Variants in ADA2 observed in about 807,000 individuals in gnomAD.
ADA2 encodes adenosine deaminase CECR1.
In ADA2, 29 loss-of-function variants were observed where a neutral mutation model predicts 44.2. The observed-to-expected ratio is 0.66, with a 90% CI of 0.49 to 0.89. The LOEUF (loss-of-function observed/expected upper bound fraction) is 0.89. ADA2 is among the 40% of genes least tolerant of loss of function. ADA2 has a pLI of 0.00. For missense variants in ADA2, 637 were observed against 644.8 expected, an observed-to-expected ratio of 0.99 and a Z score of 0.13; for synonymous variants, 215 against 234.9, an observed-to-expected ratio of 0.92 and a Z score of 0.77.
At chr22:17,199,489 C>G in intron 4 of ADA2, 1 of 1,506,066 alleles carries the variant, frequency 6.6e-7, no homozygotes. Context: ...TCGGAGTTCC[C>G]TATGCACTCC....
chr22:17,193,087 G>A, intron 4 of ADA2: 1 of 1,040,102 alleles, frequency 9.6e-7, no homozygotes, highest in Admixed American at 2.0e-5. Context: ...GGTTATGGGA[G>A]CAACAAAAAA....
chr22:17,214,722 T>G (rs1482077959), intron 1 of ADA2, among the ~76,000 whole-genome samples: 1 of 152,188 alleles, frequency 6.6e-6, no homozygotes, highest in African/African-American at 2.4e-5. Flanking sequence ...ACAGCCTGGG[T>G]GGCAGAACAG....
chr22:17,191,919 CCCCCTTCCCAGCCA>C lies in ADA2; in HGVS notation c.754-123_754-110del, dbSNP rs1417761102. The C allele has an allele frequency of 8.3e-5, 93 of 1,124,876 alleles. No homozygotes were observed. In the African/African-American group the frequency reaches 9.1e-4, roughly 11 times the overall value. 69.7% of individuals were successfully genotyped at this position (1,124,876 alleles called of 1,614,324 possible). A position where few individuals can be genotyped will look rare whatever the true frequency, so the allele number is the denominator to read the frequency against. On this transcript the variant is annotated intron_variant, in intron 4 of 9. Transcript: ENST00000399837. ...CTGGCCAGCCACCCCTGCCCAACCA[CCCCCTTCCCAGCCA>C]CCCCTTCCCAGCCACCCTTGCCCAG... is the stretch of plus-strand genomic sequence containing the variant.
Position 17,210,992 on chromosome 22 carries a change from T to A in ADA2, c.-46-1269A>T, listed in dbSNP as rs182396136. On this transcript the variant is annotated intron_variant, in intron 1 of 9. Transcript: ENST00000399837. ...CCAGTACTTTGAGGCTGCAATGAGC[T>A]TTGACCTCACCACTGCACTCCAGCC... 5.0e-3 allele frequency among the ~76,000 whole-genome samples: 758 copies of A among 152,272 alleles called. 3 individuals are homozygous for A. The highest frequency in any genetic ancestry group is 0.017 in the African/African-American group (722 of 41,560).
At position 17,188,410 on chromosome 22, in the gene ADA2, T is replaced by C; in HGVS notation, c.1010A>G (p.Tyr337Cys). Residue 337 changes from tyrosine to cysteine, a missense_variant, in exon 7 of 10, where the codon TAC becomes TGC. Tyr to Cys is a radical substitution (Grantham distance 194). Transcript: ENST00000399837. The part of the protein sequence containing the change: ...HEDTGHSLHD[Y>C]KEALMIPAKD... ...GGCGGGGATCATCAGAGCTTCCTTG[T>C]AGTCATGCAAGGAGTGGCCAGTGTC... 6.2e-7 allele frequency: 1 copy of C among 1,613,838 alleles called. No homozygotes were observed. Among genetic ancestry groups the C allele is most frequent in the Non-Finnish European group, 8.5e-7 (1 of 1,179,754 alleles).
At position 17,216,119 on chromosome 22, in the gene ADA2, G is replaced by A. The variant is rs150506479; in HGVS notation, c.-47+3237C>T. Among the ~76,000 whole-genome samples, 86 of 152,066 alleles carry A rather than the reference G, an allele frequency of 5.7e-4. No individual in the cohort carries two copies. The East Asian group carries it at 0.014, about 25-fold the overall frequency. On this transcript the variant is annotated intron_variant, in intron 1 of 9. Transcript: ENST00000399837. ...GGAGAATCGCTTGAACCTGAGAGGC[G>A]GAGGTTGCAGTGAGCCGATATCGCA... is the stretch of plus-strand genomic sequence containing the variant.
chr22:17,216,714 C>T (rs1206611126), intron 1 of ADA2, among the ~76,000 whole-genome samples: 1 of 150,132 alleles, frequency 6.7e-6, no homozygotes, highest in South Asian at 2.1e-4. Flanking sequence ...GAGCCGAGTT[C>T]GTGCCACTGC....
rs1418617941 is a variant in ADA2 at position 17,207,163 on chromosome 22, G to C, written c.450C>G (p.His150Gln). 6.2e-7 allele frequency: 1 copy of C among 1,614,240 alleles called. No homozygotes were observed. The highest frequency in any genetic ancestry group is 8.5e-7 in the Non-Finnish European group (1 of 1,180,038). ...PRGIMQFRFA[H>Q]PTPRPSEKCS... ...ATTTTTCTGATGGACGGGGAGTTGG[G>C]TGAGCAAATCTGAACTGCATGATCC... is the stretch of plus-strand genomic sequence containing the variant. Residue 150 changes from histidine (H) to glutamine (Q), a missense_variant, in exon 3 of 10, where the codon CAC (histidine) becomes CAG (glutamine). By Grantham distance (24) the His-to-Gln change is conservative. Transcript: ENST00000399837.
intron 1 of ADA2, among the ~76,000 whole-genome samples, chr22:17,214,917 C>G (rs2062454602): frequency 6.6e-6 from 1 of 152,216 alleles, no homozygotes; most frequent in Non-Finnish European, 1.5e-5. Flanking sequence ...TCCTAGCAGC[C>G]TCTTGTATTT....
chr22:17,191,919 C>CCCCCTTCCCAGCCA (rs1417761102), intron 4 of ADA2, 109 bp from the exon 5 acceptor site: 14 of 1,124,876 alleles, frequency 1.2e-5, no homozygotes, highest in African/African-American at 1.6e-5. Flanking sequence ...TGCCCAACCA[C>CCCCCTTCCCAGCCA]CCCCTTCCCA....
At chr22:17,204,848 G>A (rs2062336079) in intron 3 of ADA2, among the ~76,000 whole-genome samples, 1 of 147,256 alleles carries the variant, frequency 6.8e-6, no homozygotes, top group South Asian at 2.1e-4. Context: ...AGGCTGGAGT[G>A]CAGTGTCACA....
chr22:17,184,413 G>T (rs1323939447), intron 7 of ADA2, among the ~76,000 whole-genome samples: 1 of 152,112 alleles, frequency 6.6e-6, no homozygotes, highest in Non-Finnish European at 1.5e-5. Flanking sequence ...CCTGATAAAA[G>T]GGGATCCACT....
upstream of ADA2, among the ~76,000 whole-genome samples, chr22:17,221,232 C>T (rs1157097499): frequency 1.3e-5 from 2 of 151,910 alleles, no homozygotes; most frequent in African/African-American, 2.4e-5. Flanking sequence ...AAGATTGATT[C>T]CAGCGCCGCA....
Position 17,189,993 on chromosome 22 carries a change from C to G in ADA2, c.921G>C (p.Met307Ile). 1 of 1,614,066 alleles carries G rather than the reference C, an allele frequency of 6.2e-7. No individual in the cohort carries two copies. Residue 307 changes from methionine to isoleucine, a missense_variant, in exon 6 of 10, where the codon ATG (methionine) becomes ATC (isoleucine). Met to Ile is a conservative substitution (Grantham distance 10, BLOSUM62 1). Coordinates refer to ENST00000399837, the MANE Select transcript of ADA2 (RefSeq NM_001282225.2). ...DVAVIAESIR[M>I]AMGLRIKFPT... The stretch of plus-strand genomic sequence containing the variant: ...GGAACTTGATTCGGAGCCCCATGGC[C>G]ATTCGGATGGATTCTGCGATGACAG...
In ADA2 at chr22:17,207,150, G is replaced by T. The variant is rs767897948; in HGVS notation, c.463C>A (p.Pro155Thr). 5.0e-6 allele frequency: 8 copies of T among 1,614,128 alleles called. No homozygotes were observed. The highest frequency in any genetic ancestry group is 4.0e-5 in the African/African-American group (3 of 74,948). ...ATCCACTTGGAACATTTTTCTGATG[G>T]ACGGGGAGTTGGGTGAGCAAATCTG... The part of the protein sequence containing the change: ...QFRFAHPTPR[P>T]SEKCSKWILL... The change falls in exon 3 of 10, where the codon CCA (proline) becomes ACA (threonine). Residue 155 changes from proline (P) to threonine (T), a missense_variant. Coordinates refer to ENST00000399837, the MANE Select transcript of ADA2 (RefSeq NM_001282225.2).
chr22:17,182,010 C>T lies in ADA2; in HGVS notation c.1252G>A (p.Val418Met). 1 of 1,613,564 alleles carries T rather than the reference C, an allele frequency of 6.2e-7. No homozygotes were observed. Among genetic ancestry groups the T allele is most frequent in the Non-Finnish European group, 8.5e-7 (1 of 1,179,670 alleles). The change falls in exon 9 of 10, where the codon GTG (valine) becomes ATG (methionine). Residue 418 changes from valine (V) to methionine (M), a missense_variant. Physicochemically the swap from Val to Met is conservative, Grantham distance 21. Transcript: ENST00000399837. ...ACAGGGTGGTTCCTCAAGTCAGACA[C>T]CAGTTTCAGCACCTGCGCAATAGGA... ...CPISNQVLKL[V>M]SDLRNHPVAT...
intron 5 of ADA2, among the ~76,000 whole-genome samples, chr22:17,190,846 C>T (rs115837315): frequency 3.9e-5 from 6 of 152,214 alleles, no homozygotes; most frequent in African/African-American, 9.6e-5. Context: ...CTAGGGGGAC[C>T]GGCACAAAGC....
chr22:17,184,155 A>G (rs1305109520), intron 7 of ADA2, among the ~76,000 whole-genome samples: 4 of 150,486 alleles, frequency 2.7e-5, no homozygotes, highest in African/African-American at 9.8e-5. Context: ...TAGTAGAGAC[A>G]GGGTTTCACT....
intron 4 of ADA2, chr22:17,199,616 C>T (rs1248737427): frequency 6.2e-7 from 1 of 1,614,086 alleles, no homozygotes; most frequent in Admixed American, 1.7e-5. Flanking sequence ...GCCAGATGCT[C>T]TCTGGGATCG....
Sources: allele counts gnomAD v4.1 joint callset (sites outside exome capture counted in the v4.1 genomes callset), GRCh38; gene constraint gnomAD v4.1.1; transcripts MANE v1.5; gene names NCBI Gene and HGNC (gene_info 2026-07-23, HGNC 2026-07-21).